The following IGFBPL1 variants were observed in gnomAD, a reference collection of about 807,000 sequenced individuals.
The protein encoded by IGFBPL1 is insulin-like growth factor-binding protein-like 1.
Under a neutral mutation model 23.9 loss-of-function variants are expected in IGFBPL1, and 20 were observed. That is an observed-to-expected ratio of 0.84 (90% confidence interval 0.59 to 1.22). The LOEUF is 1.22. Among genes scored for constraint, IGFBPL1 ranks in the 50% most tolerant of loss-of-function variants. The probability of loss-of-function intolerance (pLI) is 0.00; values close to 1 mark genes in which losing one functional copy is unlikely to be tolerated. For missense variants in IGFBPL1, 436 were observed against 379.3 expected, an observed-to-expected ratio of 1.15 and a Z score of -1.24; for synonymous variants, 184 against 171.8, an observed-to-expected ratio of 1.07 and a Z score of -0.56.
chr9:38,415,905 C>T lies in IGFBPL1; in HGVS notation c.461-1702G>A, dbSNP rs150101333. Among the ~76,000 whole-genome samples, 3 of 152,314 alleles carry T rather than the reference C, an allele frequency of 2.0e-5. No individual in the cohort carries two copies. In the East Asian group the frequency reaches 5.8e-4, roughly 29 times the overall value. The stretch of plus-strand genomic sequence containing the variant: ...TCCCCCTCTATCTGATCCACCCACT[C>T]ATTCAGCTGTACCCATCTGAGGGCC... On this transcript the variant is annotated intron_variant, in intron 1 of 4. Transcript: ENST00000377694.
At chr9:38,414,480 T>C (rs1211301481) in intron 1 of IGFBPL1, among the ~76,000 whole-genome samples, 4 of 152,140 alleles carry the variant, frequency 2.6e-5, no homozygotes, top group African/African-American at 9.7e-5. Context: ...GTGGCAGAGC[T>C]TGGGCCTCAG....
chr9:38,415,350 C>T (rs532747621), intron 1 of IGFBPL1, among the ~76,000 whole-genome samples: 10 of 152,248 alleles, frequency 6.6e-5, no homozygotes, highest in Non-Finnish European at 1.2e-4. Context: ...TGTTGTTCTC[C>T]ACAAGACTGC....
In IGFBPL1 at chr9:38,424,377, C is replaced by T; in HGVS notation, c.48G>A (p.Leu16=). 1.5e-6 allele frequency: 1 copy of T among 659,220 alleles called. No individual in the cohort carries two copies. Among genetic ancestry groups the T allele is most frequent in the Non-Finnish European group, 2.5e-6 (1 of 392,406 alleles). 40.8% of individuals were successfully genotyped at this position (659,220 alleles called of 1,614,324 possible). A position where few individuals can be genotyped will look rare whatever the true frequency, so the allele number is the denominator to read the frequency against. ...LLLPLLLLLL[L]PLLPPLSPSL... ...TCGGGGACAGCGGCGGCAGCAGCGG[C>T]AGCAGCAGCAGAAGCAGCAGCGGCA... The change falls in exon 1 of 5, where the codon CTG becomes CTA. Residue 16 remains leucine, a synonymous_variant. Transcript: ENST00000377694.
At position 38,408,801 on chromosome 9, in the gene IGFBPL1, C is replaced by G. The variant is rs552957456; in HGVS notation, c.*426G>C. ...GGGGAAGGGATCTGTTCAGGTCACA[C>G]AGCAAGTTACAGTCAGGCAGAGGAC... On this transcript the variant is annotated 3_prime_UTR_variant, in exon 5 of 5. Transcript: ENST00000377694. Among the ~76,000 whole-genome samples, 2 of 152,190 alleles carry G rather than the reference C, an allele frequency of 1.3e-5. No homozygotes were observed. The highest frequency in any genetic ancestry group is 2.9e-5 in the Non-Finnish European group (2 of 68,028).
At chr9:38,410,680 A>G (rs1250178068) in intron 4 of IGFBPL1, among the ~76,000 whole-genome samples, 1 of 152,188 alleles carries the variant, frequency 6.6e-6, no homozygotes, top group Non-Finnish European at 1.5e-5. Flanking sequence ...TATAACATGG[A>G]ACATGAGCAA....
At position 38,407,690 on chromosome 9, in the gene IGFBPL1, T is replaced by C. The variant is rs932889714; in HGVS notation, c.*1537A>G. 7.2e-5 allele frequency among the ~76,000 whole-genome samples: 11 copies of C among 152,218 alleles called. No homozygotes were observed. Among genetic ancestry groups the C allele is most frequent in the African/African-American group, 2.7e-4 (11 of 41,468 alleles). ...AGAGAGGGGACCAAGGAGGGCCAGG[T>C]GCCCTGAGCTCTGCTCCTCTTTCAG... On this transcript the variant is annotated 3_prime_UTR_variant, in exon 5 of 5. Coordinates refer to ENST00000377694, the MANE Select transcript of IGFBPL1 (RefSeq NM_001007563.3).
At chr9:38,420,676 C>T (rs1226533160) in intron 1 of IGFBPL1, among the ~76,000 whole-genome samples, 1 of 152,086 alleles carries the variant, frequency 6.6e-6, no homozygotes, top group Admixed American at 6.5e-5. Context: ...ACTAAAAGTA[C>T]AAAAAACAAA....
chr9:38,411,438 T>A lies in IGFBPL1; in HGVS notation c.799A>T (p.Arg267Trp), dbSNP rs144575947. Reference sequence around the variant, plus strand: ...TCGGGAGCTGGGAAGTGGAAGCTCCTGTATTTACTCAGATCTAGAACCGTC... The same window carrying A: ...TCGGGAGCTGGGAAGTGGAAGCTCCAGTATTTACTCAGATCTAGAACCGTC... ...TVTVLDLSKY[R>W]SFHFPAPDDR... Residue 267 changes from arginine (R) to tryptophan (W), a missense_variant, in exon 4 of 5, where the codon AGG (arginine) becomes TGG (tryptophan). Transcript: ENST00000377694. 5 of 1,614,022 alleles carry A rather than the reference T, an allele frequency of 3.1e-6. No homozygotes were observed. Among genetic ancestry groups the A allele is most frequent in the Non-Finnish European group, 4.2e-6 (5 of 1,179,922 alleles).
chr9:38,420,474 G>C (rs1197287570), intron 1 of IGFBPL1, among the ~76,000 whole-genome samples: 1 of 152,228 alleles, frequency 6.6e-6, no homozygotes, highest in Non-Finnish European at 1.5e-5. Flanking sequence ...AAGATTCAAG[G>C]CTGGCGGGTG....
At position 38,424,213 on chromosome 9, in the gene IGFBPL1, C is replaced by G; in HGVS notation, c.212G>C (p.Gly71Ala). The change falls in exon 1 of 5, where the codon GGA becomes GCA. Residue 71 changes from glycine to alanine, a missense_variant. Transcript: ENST00000377694. ...GCCCCCGCAGCTCGCGCCCTCGGCT[C>G]CCAGGCAGCGGGCGCAGCAGCCGCA... ...DECGCCARCL[G>A]AEGASCGGRA... 1.7e-6 allele frequency: 2 copies of G among 1,181,944 alleles called. No homozygotes were observed. Among genetic ancestry groups the G allele is most frequent in the Non-Finnish European group, 2.1e-6 (2 of 957,260 alleles). The allele number at this position is 1,181,944 out of a possible 1,614,324, so 73.2% of individuals were successfully genotyped here. A position where few individuals can be genotyped will look rare whatever the true frequency, so the allele number is the denominator to read the frequency against.
rs372934827 is a variant in IGFBPL1, at chr9:38,411,400, T to C, written c.837A>G (p.Ter279TrpextTer34). The change falls in exon 4 of 5, where the codon TGA becomes TGG. Residue 279 changes from the stop codon to tryptophan, a stop_lost. Coordinates refer to ENST00000377694, the MANE Select transcript of IGFBPL1 (RefSeq NM_001007563.3). ...GACTTAGAACATGTACATTTCTCCA[T>C]CACATGCGGTCATCGGGAGCTGGGA... Reference protein sequence around the residue: ...FHFPAPDDRM* With the variant: ...FHFPAPDDRMW The C allele has an allele frequency of 1.2e-6, 2 of 1,612,426 alleles. No homozygotes were observed. Among genetic ancestry groups the C allele is most frequent in the Non-Finnish European group, 1.7e-6 (2 of 1,179,408 alleles).
intron 1 of IGFBPL1, among the ~76,000 whole-genome samples, chr9:38,423,555 C>T (rs1821711523): frequency 1.3e-5 from 2 of 151,452 alleles, no homozygotes; most frequent in Admixed American, 6.6e-5. Context: ...TTCCCTTCCT[C>T]CCCTATCCTC....
chr9:38,414,092 A>G lies in IGFBPL1; in HGVS notation c.570+2T>C, dbSNP rs777998937. 6.4e-7 allele frequency: 1 copy of G among 1,572,448 alleles called. No homozygotes were observed. The highest frequency in any genetic ancestry group is 8.7e-7 in the Non-Finnish European group (1 of 1,144,432). On this transcript the variant is annotated splice_donor_variant, in intron 2 of 4. Coordinates refer to ENST00000377694, the MANE Select transcript of IGFBPL1 (RefSeq NM_001007563.3). LOFTEE classifies it high-confidence loss of function. ...GATGCATGAGTTCTTGGACAGAAATACCTTTCTCCACGTGATGACTGGGGT... is the reference window on the plus strand; with the variant it reads ...GATGCATGAGTTCTTGGACAGAAATGCCTTTCTCCACGTGATGACTGGGGT...
In IGFBPL1 at chr9:38,419,897, T is replaced by A. The variant is rs569316207; in HGVS notation, c.460+4068A>T. 4.6e-5 allele frequency among the ~76,000 whole-genome samples: 7 copies of A among 151,100 alleles called. No homozygotes were observed. The East Asian group carries it at 1.2e-3, about 25-fold the overall frequency. ...TCCTCCTCCTCCTCCTCCTCCTTCT[T>A]CTTCTTCTTTTTAGACAGGGTCTCA... is the stretch of plus-strand genomic sequence containing the variant. On this transcript the variant is annotated intron_variant, in intron 1 of 4. Coordinates refer to ENST00000377694, the MANE Select transcript of IGFBPL1 (RefSeq NM_001007563.3).
chr9:38,424,071 G>A lies in IGFBPL1; in HGVS notation c.354C>T (p.Asp118=). The change falls in exon 1 of 5, where the codon GAC becomes GAT. Residue 118 remains aspartate (D), a synonymous_variant. Coordinates refer to ENST00000377694, the MANE Select transcript of IGFBPL1 (RefSeq NM_001007563.3). ...CAQRGTVCGS[D]GRSYPSVCAL... is the part of the protein sequence containing the mutation. ...CGCAGACGCTGGGGTACGAGCGACC[G>A]TCGGAGCCGCAGACGGTGCCGCGCT... is the stretch of plus-strand genomic sequence containing the variant. 3 of 1,396,982 alleles carry A rather than the reference G, an allele frequency of 2.1e-6. No homozygotes were observed. Among genetic ancestry groups the A allele is most frequent in the Non-Finnish European group, 2.8e-6 (3 of 1,081,482 alleles). The allele number at this position is 1,396,982 out of a possible 1,614,324, so 86.5% of individuals were successfully genotyped here. A position where few individuals can be genotyped will look rare whatever the true frequency, so the allele number is the denominator to read the frequency against.
At position 38,408,253 on chromosome 9, in the gene IGFBPL1, C is replaced by CAA. The variant is rs35229194; in HGVS notation, c.*972_*973dup. Among the ~76,000 whole-genome samples the CAA allele has an allele frequency of 9.6e-3, 674 of 70,128 alleles. 72 individuals are homozygous for CAA. The highest frequency in any genetic ancestry group is 0.021 in the African/African-American group (361 of 17,136). The allele number at this position is 70,128 out of a possible 152,430, so 46.0% of individuals were successfully genotyped here. On this transcript the variant is annotated 3_prime_UTR_variant, in exon 5 of 5. Transcript: ENST00000377694. ...GCAACATAGGGAGACCCTGTCTCTA[C>CAA]AAAAAAAAAAAAAAAAAAAAAAAAA...
At chr9:38,422,597 G>T (rs1393869265) in intron 1 of IGFBPL1, among the ~76,000 whole-genome samples, 1 of 152,192 alleles carries the variant, frequency 6.6e-6, no homozygotes, top group African/African-American at 2.4e-5. Flanking sequence ...GGCTGATATG[G>T]CCAGAGAGGG....
intron 3 of IGFBPL1, among the ~76,000 whole-genome samples, chr9:38,412,829 C>T (rs537136608): frequency 3.3e-5 from 5 of 152,294 alleles, no homozygotes; most frequent in African/African-American, 4.8e-5. Context: ...CTCCTCACAT[C>T]GAATCACTTC....
chr9:38,424,261 G>A lies in IGFBPL1; in HGVS notation c.164C>T (p.Pro55Leu), dbSNP rs1395295365. 3.0e-5 allele frequency: 37 copies of A among 1,225,048 alleles called. No homozygotes were observed. The highest frequency in any genetic ancestry group is 2.7e-5 in the Non-Finnish European group (27 of 983,118). 75.9% of individuals were successfully genotyped at this position (1,225,048 alleles called of 1,614,324 possible). The change falls in exon 1 of 5, where the codon CCC (proline) becomes CTC (leucine). Residue 55 changes from proline to leucine, a missense_variant. Physicochemically the swap from Pro to Leu is moderately conservative, Grantham distance 98. Transcript: ENST00000377694. ...GCACTCGTCGAGCGCCGAGATCCCG[G>A]GCGCCGGGCAGGGCGCAGGCGCCGG... ...GCPAPAPCPA[P>L]GISALDECGC...
Sources: gnomAD v4.1 joint callset for allele counts (sites outside exome capture counted in the v4.1 genomes callset) on GRCh38, gnomAD v4.1.1 for gene constraint, MANE v1.5 for transcripts, NCBI Gene and HGNC (gene_info 2026-07-23, HGNC 2026-07-21) for gene names.